RICTOR: variants seen among roughly 807,000 people sequenced by gnomAD.
The protein encoded by RICTOR is RPTOR independent companion of MTOR complex 2, also known as rapamycin-insensitive companion of mTOR.
A neutral mutation model predicts 214.9 loss-of-function variants in RICTOR; 49 were observed. The observed-to-expected ratio is 0.23, with a 90% CI of 0.18 to 0.29. The LOEUF (loss-of-function observed/expected upper bound fraction) is 0.29, where lower values mean the gene tolerates loss of function less well. RICTOR is among the 10% of genes least tolerant of loss of function. The pLI is 1.00. For missense variants in RICTOR, 1,625 were observed against 2,047.0 expected (o/e 0.79, Z 3.98); for synonymous variants, 717 against 711.3 (o/e 1.01, Z -0.13).
intron 3 of RICTOR, among the ~76,000 whole-genome samples, chr5:39,012,281 A>G (rs960404640): frequency 6.6e-6 from 1 of 152,054 alleles, no homozygotes; most frequent in African/African-American, 2.4e-5. Context: ...CCTTCACTCA[A>G]CACTCATTTA....
chr5:39,055,453 C>T (rs960224633), intron 2 of RICTOR, among the ~76,000 whole-genome samples: 3 of 123,222 alleles, frequency 2.4e-5, no homozygotes, highest in Middle Eastern at 5.2e-3. Flanking sequence ...CCTGATTTTA[C>T]ACTATTAAGA....
chr5:38,996,751 A>C (rs1167673422), intron 6 of RICTOR, 68 bp downstream of exon 6: 6 of 922,006 alleles, frequency 6.5e-6, no homozygotes, highest in Non-Finnish European at 1.0e-5. Context: ...ACAAAAGTCT[A>C]ATCTAAAAAT....
chr5:38,946,476 T>A lies in RICTOR; in HGVS notation c.4391A>T (p.Asp1464Val). 1 of 1,604,904 alleles carries A rather than the reference T, an allele frequency of 6.2e-7. No individual in the cohort carries two copies. Among genetic ancestry groups the A allele is most frequent in the Non-Finnish European group, 8.5e-7 (1 of 1,171,698 alleles). ...AATGCACAATGCATTACCTCCTGCA[T>A]CATGGGCAAATGCTCTTGCACCTCG... Reference protein sequence around the residue: ...DDRGARAFAHDAGGLPSGTGG... With the variant: ...DDRGARAFAHVAGGLPSGTGG... Residue 1464 changes from aspartate to valine, a missense_variant, in exon 33 of 38, where the codon GAT (aspartate) becomes GTT (valine). By Grantham distance (152) the Asp-to-Val change is radical. Coordinates refer to ENST00000357387, the MANE Select transcript of RICTOR (RefSeq NM_152756.5).
chr5:38,960,071 A>G, intron 20 of RICTOR, 93 bp from the exon 21 acceptor site: 1 of 877,262 alleles, frequency 1.1e-6, no homozygotes, highest in East Asian at 2.4e-5. Flanking sequence ...CTTACTAATA[A>G]TGATGAAGTT....
At chr5:39,041,940 C>CAAA (rs35609106) in intron 2 of RICTOR, among the ~76,000 whole-genome samples, 1 of 84,598 alleles carries the variant, frequency 1.2e-5, no homozygotes, top group Non-Finnish European at 2.5e-5. Context: ...GACCCTGTTT[C>CAAA]AAAAAAAAAA....
At chr5:39,046,288 C>A (rs949661991) in intron 2 of RICTOR, among the ~76,000 whole-genome samples, 1 of 150,806 alleles carries the variant, frequency 6.6e-6, no homozygotes, top group East Asian at 1.9e-4. Context: ...CACTTGAGCC[C>A]AGGTGATTGA....
chr5:38,992,062 A>C (rs1752823048), intron 6 of RICTOR, among the ~76,000 whole-genome samples: 1 of 152,144 alleles, frequency 6.6e-6, no homozygotes, highest in South Asian at 2.1e-4. Flanking sequence ...GATCAAAAGA[A>C]AGATCTGTTT....
intron 1 of RICTOR, 64 bp from the exon 2 acceptor site, chr5:39,074,222 G>C: frequency 6.4e-7 from 1 of 1,574,480 alleles, no homozygotes; most frequent in Non-Finnish European, 8.6e-7. Flanking sequence ...GGCTGCCCTG[G>C]CTCCGGCCAG....
chr5:39,005,704 T>C (rs1271615884), intron 3 of RICTOR, among the ~76,000 whole-genome samples: 5 of 152,194 alleles, frequency 3.3e-5, no homozygotes, highest in African/African-American at 1.2e-4. Flanking sequence ...TAGTCTTTGA[T>C]TGTATATAAA....
chr5:39,023,613 A>C (rs893090055), intron 2 of RICTOR, among the ~76,000 whole-genome samples: 1 of 152,202 alleles, frequency 6.6e-6, no homozygotes, highest in Non-Finnish European at 1.5e-5. Context: ...TACATTACCA[A>C]GTTTTTGATA....
At chr5:39,055,208 T>C (rs577745852) in intron 2 of RICTOR, among the ~76,000 whole-genome samples, 3 of 152,228 alleles carry the variant, frequency 2.0e-5, no homozygotes, top group East Asian at 1.9e-4. Flanking sequence ...CTCCAAGTTA[T>C]TACTTGTCTC....
In RICTOR at chr5:39,041,161, A is replaced by G. The variant is rs1212737331; in HGVS notation, c.98-20025T>C. Among the ~76,000 whole-genome samples, 3 of 152,226 alleles carry G rather than the reference A, an allele frequency of 2.0e-5. No homozygotes were observed. The East Asian group carries it at 5.8e-4, about 29-fold the overall frequency. On this transcript the variant is annotated intron_variant, in intron 2 of 37. Coordinates refer to ENST00000357387, the MANE Select transcript of RICTOR (RefSeq NM_152756.5). ...TAAGTGACACAAATGTTATTTGGAGATGCTTAACACGAGTTTATTCTTGAC... is the reference window on the plus strand; with the variant it reads ...TAAGTGACACAAATGTTATTTGGAGGTGCTTAACACGAGTTTATTCTTGAC...
At chr5:38,953,912 A>G (rs188367084) in intron 27 of RICTOR, among the ~76,000 whole-genome samples, 24 of 152,010 alleles carry the variant, frequency 1.6e-4, no homozygotes, top group African/African-American at 4.1e-4. Context: ...TTACTAAATA[A>G]TCATACTTAT....
intron 16 of RICTOR, among the ~76,000 whole-genome samples, chr5:38,963,393 G>A (rs939242823): frequency 8.6e-5 from 13 of 151,706 alleles, no homozygotes; most frequent in Non-Finnish European, 1.8e-4. Context: ...TCCTTAATCC[G>A]CCTGAAACTT....
chr5:38,999,027 CAAAAAAAAA>C (rs1186312478), intron 5 of RICTOR, among the ~76,000 whole-genome samples: 11 of 25,348 alleles, frequency 4.3e-4, no homozygotes, highest in South Asian at 2.9e-3. Context: ...AACAAACAGG[CAAAAAAAAA>C]AAAAAAAAAA....
chr5:39,034,916 A>T (rs1376835168), intron 2 of RICTOR, among the ~76,000 whole-genome samples: 3 of 152,232 alleles, frequency 2.0e-5, no homozygotes, highest in African/African-American at 4.8e-5. Context: ...AAAAGGCAGC[A>T]GTAACCTCTG....
At chr5:38,991,152 G>A in intron 6 of RICTOR, 77 bp from the exon 7 acceptor site, 1 of 828,728 alleles carries the variant, frequency 1.2e-6, no homozygotes. Context: ...GACTGAAGTA[G>A]TTAATAACAG....
intron 2 of RICTOR, among the ~76,000 whole-genome samples, chr5:39,040,979 G>A (rs1455405143): frequency 2.0e-5 from 3 of 152,150 alleles, no homozygotes; most frequent in Non-Finnish European, 4.4e-5. Context: ...TAAAATAAAA[G>A]GAGAGTGATT....
intron 2 of RICTOR, among the ~76,000 whole-genome samples, chr5:39,035,902 A>T (rs1041021769): frequency 6.6e-6 from 1 of 152,228 alleles, no homozygotes; most frequent in South Asian, 2.1e-4. Context: ...GCAGGATATT[A>T]TCCAGGAGAA....
Sources: gnomAD v4.1 joint callset for allele counts (sites outside exome capture counted in the v4.1 genomes callset) on GRCh38, gnomAD v4.1.1 for gene constraint, MANE v1.5 for transcripts, NCBI Gene and HGNC (gene_info 2026-07-23, HGNC 2026-07-21) for gene names.